The following PTK2 variants were observed in gnomAD, a reference collection of about 807,000 sequenced individuals.
PTK2 encodes protein tyrosine kinase 2, also known as focal adhesion kinase 1.
A neutral mutation model predicts 150.1 loss-of-function variants in PTK2; 45 were observed. That is an observed-to-expected ratio of 0.30 (90% CI 0.24 to 0.38). The LOEUF (loss-of-function observed/expected upper bound fraction) is 0.38, where lower values mean the gene tolerates loss of function less well. Among genes scored for constraint, PTK2 ranks in the 10% least tolerant of loss-of-function variants. PTK2 has a pLI of 1.00. For synonymous variants in PTK2, 432 were observed against 449.2 expected (o/e 0.96, Z 0.48); for missense variants, 919 against 1,307.3 (o/e 0.70, Z 4.58).
chr8:140,660,590 G>A (rs919212866), intron 31 of PTK2: 5 of 454,856 alleles, frequency 1.1e-5, no homozygotes, highest in African/African-American at 6.0e-5. Context: ...GCTGAGTATG[G>A]TGGTGTGCAC....
At chr8:140,761,813 G>A (rs1285389101) in intron 15 of PTK2, among the ~76,000 whole-genome samples, 2 of 152,130 alleles carry the variant, frequency 1.3e-5, no homozygotes, top group East Asian at 1.9e-4. Context: ...TAAAGAGGTA[G>A]TTTCTTAAAA....
chr8:140,971,924 T>C (rs1456376177), intron 1 of PTK2, among the ~76,000 whole-genome samples: 1 of 152,206 alleles, frequency 6.6e-6, no homozygotes, highest in African/African-American at 2.4e-5. Context: ...GTGATTAATC[T>C]GCAATGCAAT....
intron 1 of PTK2, among the ~76,000 whole-genome samples, chr8:140,990,070 A>C (rs1292424000): frequency 1.3e-5 from 2 of 152,176 alleles, no homozygotes; most frequent in Non-Finnish European, 2.9e-5. Context: ...GAAAATGGTC[A>C]ATGATTGGAG....
At chr8:140,941,643 A>G (rs554381526) in intron 1 of PTK2, among the ~76,000 whole-genome samples, 34 of 151,996 alleles carry the variant, frequency 2.2e-4, no homozygotes, top group African/African-American at 7.2e-4. Context: ...GTTTATTGGG[A>G]AAAAAAATGC....
rs75650079 is a variant in PTK2 at position 140,753,358 on chromosome 8, C to T, written c.1333-1042G>A. Among the ~76,000 whole-genome samples the T allele has an allele frequency of 1.8e-4, 28 of 152,244 alleles. No homozygotes were observed. In the East Asian group the frequency reaches 5.2e-3, roughly 28 times the overall value. The stretch of plus-strand genomic sequence containing the variant: ...GGAAGGGGAAGATCAGAAGCTCGGC[C>T]TGGGATGTAATAAGCTTGAGATGTC... On this transcript the variant is annotated intron_variant, in intron 16 of 31. Coordinates refer to ENST00000522684, the Ensembl canonical transcript of PTK2.
At chr8:140,966,189 T>A (rs1384452152) in intron 1 of PTK2, among the ~76,000 whole-genome samples, 1 of 152,236 alleles carries the variant, frequency 6.6e-6, no homozygotes, top group African/African-American at 2.4e-5. Flanking sequence ...TTGTTCACCA[T>A]TGTATACCCA....
At chr8:140,712,547 G>T (rs1232561986) in intron 23 of PTK2, among the ~76,000 whole-genome samples, 1 of 152,032 alleles carries the variant, frequency 6.6e-6, no homozygotes, top group African/African-American at 2.4e-5. Flanking sequence ...AAAATCCATA[G>T]AATTAAGGGG....
chr8:140,784,149 A>G (rs2154571140), intron 14 of PTK2, among the ~76,000 whole-genome samples: 1 of 152,294 alleles, frequency 6.6e-6, no homozygotes, highest in Admixed American at 6.5e-5. Context: ...TGGGTGACAA[A>G]GTGGGGGGAA....
chr8:140,996,617 C>G (rs1018303313), intron 1 of PTK2, among the ~76,000 whole-genome samples: 1 of 152,152 alleles, frequency 6.6e-6, no homozygotes, highest in Non-Finnish European at 1.5e-5. Context: ...TCCTTAAGAA[C>G]GATGCTAATT....
chr8:140,920,454 C>G (rs1242700489), intron 2 of PTK2, among the ~76,000 whole-genome samples: 1 of 152,102 alleles, frequency 6.6e-6, no homozygotes, highest in African/African-American at 2.4e-5. Context: ...ACATGTTACT[C>G]TTATTTCCTA....
chr8:140,820,347 C>T (rs575025765), intron 8 of PTK2, among the ~76,000 whole-genome samples: 3 of 151,494 alleles, frequency 2.0e-5, no homozygotes, highest in Non-Finnish European at 4.4e-5. Context: ...GAGATCCACC[C>T]GCCTCAGCCT....
intron 14 of PTK2, among the ~76,000 whole-genome samples, chr8:140,772,976 G>A (rs1335210901): frequency 1.3e-5 from 2 of 152,152 alleles, no homozygotes; most frequent in African/African-American, 4.8e-5. Context: ...ATTGTAAAAT[G>A]GGGTTATAAC....
chr8:140,752,842 T>C (rs1036725166), intron 16 of PTK2, among the ~76,000 whole-genome samples: 3 of 152,138 alleles, frequency 2.0e-5, no homozygotes, highest in Non-Finnish European at 2.9e-5. Flanking sequence ...GGGAGCTGGC[T>C]AAGAAACAGC....
Position 140,706,102 on chromosome 8 carries a change from T to C in PTK2, c.2229+17A>G. ...ATAATAAAATAACACAGTTTATATCTGTAATGACTGGCATACCTGGTAATG... is the reference window on the plus strand; with the variant it reads ...ATAATAAAATAACACAGTTTATATCCGTAATGACTGGCATACCTGGTAATG... On this transcript the variant is annotated intron_variant, in intron 24 of 31. Coordinates refer to ENST00000522684, the Ensembl canonical transcript of PTK2. 1.9e-6 allele frequency: 3 copies of C among 1,570,960 alleles called. No homozygotes were observed. The highest frequency in any genetic ancestry group is 2.6e-6 in the Non-Finnish European group (3 of 1,141,636).
intron 4 of PTK2, among the ~76,000 whole-genome samples, chr8:140,866,204 T>A (rs767977086): frequency 6.6e-6 from 1 of 152,218 alleles, no homozygotes; most frequent in Admixed American, 6.5e-5. Flanking sequence ...CAGTCAACGA[T>A]TCAAACAGGT....
chr8:140,740,892 C>T (rs2100055271), intron 20 of PTK2, among the ~76,000 whole-genome samples: 1 of 152,162 alleles, frequency 6.6e-6, no homozygotes. Flanking sequence ...CCTGTAATCC[C>T]AGCACTTTGG....
chr8:140,903,035 T>C (rs1355437358), intron 2 of PTK2, among the ~76,000 whole-genome samples: 2 of 150,340 alleles, frequency 1.3e-5, no homozygotes, highest in Non-Finnish European at 3.0e-5. Context: ...TCTGTTGTTT[T>C]AGTCATGAAG....
chr8:140,923,195 C>T (rs1439017456), intron 2 of PTK2, among the ~76,000 whole-genome samples: 4 of 152,108 alleles, frequency 2.6e-5, no homozygotes, highest in South Asian at 4.1e-4. Context: ...CATAAATTCT[C>T]CAGGCCAGAG....
At chr8:140,942,637 TGTGTGTGTGC>T (rs2100176236) in intron 1 of PTK2, among the ~76,000 whole-genome samples, 1 of 152,172 alleles carries the variant, frequency 6.6e-6, no homozygotes, top group Non-Finnish European at 1.5e-5. Flanking sequence ...CGTGTGTGTG[TGTGTGTGTGC>T]GCGCATATAT....
Sources: gnomAD v4.1 joint callset for allele counts (sites outside exome capture counted in the v4.1 genomes callset) on GRCh38, gnomAD v4.1.1 for gene constraint, MANE v1.5 for transcripts, NCBI Gene and HGNC (gene_info 2026-07-23, HGNC 2026-07-21) for gene names.